Variants in OSBPL6 observed in about 807,000 individuals in gnomAD.
OSBPL6 encodes oxysterol-binding protein-related protein 6.
A neutral mutation model predicts 125.8 loss-of-function variants in OSBPL6; 49 were observed. The ratio of observed to expected loss-of-function variants is 0.39; its 90% confidence interval spans 0.31 to 0.49. The LOEUF (loss-of-function observed/expected upper bound fraction) is 0.49, where lower values mean the gene tolerates loss of function less well. Ranked by LOEUF, OSBPL6 falls within the 20% of genes least tolerant of loss-of-function variation. The pLI is 0.88. For missense variants in OSBPL6, 986 were observed against 1,135.4 expected, an observed-to-expected ratio of 0.87 and a Z score of 1.89; for synonymous variants, 394 against 391.8, an observed-to-expected ratio of 1.01 and a Z score of -0.07.
chr2:178,208,110 C>A (rs1159296932), intron 1 of OSBPL6, among the ~76,000 whole-genome samples: 1 of 151,902 alleles, frequency 6.6e-6, no homozygotes, highest in Non-Finnish European at 1.5e-5. Flanking sequence ...CATGGTGAAA[C>A]CCCATCTCTA....
intron 3 of OSBPL6, among the ~76,000 whole-genome samples, chr2:178,309,336 C>T (rs946009201): frequency 6.6e-6 from 1 of 152,154 alleles, no homozygotes. Context: ...TCTTCAGAGA[C>T]CAGCCTTGAA....
At chr2:178,307,959 G>A (rs2154060712) in intron 3 of OSBPL6, among the ~76,000 whole-genome samples, 1 of 152,342 alleles carries the variant, frequency 6.6e-6, no homozygotes, top group East Asian at 1.9e-4. Context: ...GAGCATGAAG[G>A]TGGAATGTGT....
intron 18 of OSBPL6, 22 bp from the exon 19 acceptor site, chr2:178,385,436 T>C (rs1694858812): frequency 6.4e-7 from 1 of 1,574,654 alleles, no homozygotes; most frequent in Non-Finnish European, 8.7e-7. Context: ...GATACTGCCT[T>C]TTTTTTGTTT....
At chr2:178,317,437 CATATATATATATAT>C (rs6147046) in intron 3 of OSBPL6, among the ~76,000 whole-genome samples, 7,794 of 106,870 alleles carry the variant, frequency 0.073, 402 homozygotes, top group African/African-American at 0.14. Context: ...ACTTAGACAC[CATATATATATATAT>C]ATATATATAT....
intron 2 of OSBPL6, among the ~76,000 whole-genome samples, chr2:178,290,525 C>G (rs923051228): frequency 6.7e-6 from 1 of 149,758 alleles, no homozygotes; most frequent in South Asian, 2.2e-4. Context: ...GAAAAGAGAA[C>G]CTATCATATG....
At chr2:178,378,675 T>G (rs1435223231) in intron 15 of OSBPL6, among the ~76,000 whole-genome samples, 1 of 152,214 alleles carries the variant, frequency 6.6e-6, no homozygotes, top group African/African-American at 2.4e-5. Flanking sequence ...GGACAAACTG[T>G]TTGATTACAA....
At chr2:178,350,720 A>G (rs1163621098) in intron 12 of OSBPL6, among the ~76,000 whole-genome samples, 1 of 152,232 alleles carries the variant, frequency 6.6e-6, no homozygotes, top group African/African-American at 2.4e-5. Flanking sequence ...AGCAATATTA[A>G]TTTGTTTATG....
intron 1 of OSBPL6, among the ~76,000 whole-genome samples, chr2:178,257,054 T>A (rs1031003663): frequency 2.6e-5 from 4 of 152,234 alleles, no homozygotes; most frequent in African/African-American, 4.8e-5. Flanking sequence ...ATGTGTGTCT[T>A]AGCATTGGAA....
At chr2:178,336,158 C>G (rs1689665409) in intron 8 of OSBPL6, 143 bp from the exon 9 acceptor site, 1 of 1,070,194 alleles carries the variant, frequency 9.3e-7, no homozygotes, top group South Asian at 1.6e-5. Context: ...GCACAAACCA[C>G]ATTTAGCCAA....
At chr2:178,385,099 A>G (rs1373068117) in intron 18 of OSBPL6, among the ~76,000 whole-genome samples, 1 of 152,108 alleles carries the variant, frequency 6.6e-6, no homozygotes, top group East Asian at 1.9e-4. Context: ...GTGGCGAGCA[A>G]GAGGAGGGAT....
In OSBPL6 at chr2:178,395,822, A is replaced by C; in HGVS notation, c.*263A>C. 1 of 469,788 alleles carries C rather than the reference A, an allele frequency of 2.1e-6. No homozygotes were observed. The highest frequency in any genetic ancestry group is 1.7e-5 in the South Asian group (1 of 57,328). 29.1% of individuals were successfully genotyped at this position (469,788 alleles called of 1,614,324 possible). A position where few individuals can be genotyped will look rare whatever the true frequency, so the allele number is the denominator to read the frequency against. On this transcript the variant is annotated 3_prime_UTR_variant, in exon 25 of 25. Coordinates refer to ENST00000190611, the MANE Select transcript of OSBPL6 (RefSeq NM_032523.4). ...AAAATCCACACCGTCCTTGGAAAGC[A>C]GAATAAAAGGAGCAGAATATAAAAT...
chr2:178,222,031 G>A (rs1237017870), intron 1 of OSBPL6, among the ~76,000 whole-genome samples: 5 of 152,132 alleles, frequency 3.3e-5, no homozygotes, highest in Non-Finnish European at 7.4e-5. Flanking sequence ...CATTGGGAAT[G>A]GAGAGGAATG....
intron 23 of OSBPL6, among the ~76,000 whole-genome samples, chr2:178,392,764 C>T (rs527719888): frequency 3.3e-5 from 5 of 150,130 alleles, no homozygotes; most frequent in East Asian, 4.0e-4. Flanking sequence ...GGGAGGCTGA[C>T]GTGGGAGGAT....
chr2:178,325,369 A>C (rs1318680487), intron 4 of OSBPL6, among the ~76,000 whole-genome samples: 1 of 152,192 alleles, frequency 6.6e-6, no homozygotes, highest in Admixed American at 6.6e-5. Flanking sequence ...GAATATATAC[A>C]CTTGAACCTC....
chr2:178,383,710 T>C (rs1694692395), intron 17 of OSBPL6, among the ~76,000 whole-genome samples: 1 of 152,200 alleles, frequency 6.6e-6, no homozygotes, highest in African/African-American at 2.4e-5. Context: ...ACAATCCTCA[T>C]GCACATGAGG....
chr2:178,372,336 T>C, intron 14 of OSBPL6, 103 bp downstream of exon 14: 2 of 727,124 alleles, frequency 2.8e-6, no homozygotes, highest in Non-Finnish European at 4.4e-6. Flanking sequence ...GTTAATAAGG[T>C]TCCCTCCATA....
intron 1 of OSBPL6, among the ~76,000 whole-genome samples, chr2:178,222,582 G>A (rs2090388035): frequency 6.6e-6 from 1 of 152,212 alleles, no homozygotes; most frequent in African/African-American, 2.4e-5. Context: ...GGCGGAGCTT[G>A]CAGTGAGCAG....
intron 8 of OSBPL6, among the ~76,000 whole-genome samples, chr2:178,333,813 C>A (rs1559258172): frequency 6.6e-6 from 1 of 152,114 alleles, no homozygotes; most frequent in Non-Finnish European, 1.5e-5. Context: ...AAGAATGTGA[C>A]AATAATATAA....
chr2:178,270,877 C>T (rs2092361277), intron 1 of OSBPL6, among the ~76,000 whole-genome samples: 1 of 152,152 alleles, frequency 6.6e-6, no homozygotes, highest in Non-Finnish European at 1.5e-5. Context: ...GTAACTTGAA[C>T]TAGGTTTTAT....
Sources: allele counts gnomAD v4.1 joint callset (sites outside exome capture counted in the v4.1 genomes callset), GRCh38; gene constraint gnomAD v4.1.1; transcripts MANE v1.5; gene names NCBI Gene and HGNC (gene_info 2026-07-23, HGNC 2026-07-21).